TCF4: variants seen among roughly 807,000 people sequenced by gnomAD.
TCF4 encodes the protein transcription factor 4, also known as SL3-3 enhancer factor 2.
A neutral mutation model predicts 82.1 loss-of-function variants in TCF4; 3 were observed. The observed-to-expected ratio is 0.04, with a 90% confidence interval of 0.02 to 0.09. TCF4 has a LOEUF of 0.09. TCF4 is among the 10% of genes least tolerant of loss of function. The pLI, the probability that TCF4 is intolerant of heterozygous loss-of-function variation, is 1.00. For missense variants in TCF4, 518 were observed against 852.7 expected (o/e 0.61, Z 4.89); for synonymous variants, 276 against 309.6 (o/e 0.89, Z 1.14).
chr18:55,274,046 C>CT (rs1231685662), intron 10 of TCF4, among the ~76,000 whole-genome samples: 1 of 152,048 alleles, frequency 6.6e-6, no homozygotes, highest in Non-Finnish European at 1.5e-5. Context: ...TTCCAACATG[C>CT]GGTATAGTGC....
At chr18:55,418,465 T>C (rs776867191) in intron 5 of TCF4, among the ~76,000 whole-genome samples, 1 of 152,206 alleles carries the variant, frequency 6.6e-6, no homozygotes, top group Non-Finnish European at 1.5e-5. Context: ...ATGTGGGGTA[T>C]GAATTGGTCA....
intron 8 of TCF4, among the ~76,000 whole-genome samples, chr18:55,312,649 T>C (rs1195381575): frequency 1.3e-5 from 2 of 152,170 alleles, no homozygotes. Context: ...AAAGTGACAC[T>C]GTAAAGTTGG....
chr18:55,574,996 T>G (rs1294795861), intron 3 of TCF4, among the ~76,000 whole-genome samples: 4 of 152,212 alleles, frequency 2.6e-5, no homozygotes, highest in Admixed American at 2.6e-4. Context: ...CAATCAAGCC[T>G]TAAACAATTA....
intron 2 of TCF4, among the ~76,000 whole-genome samples, chr18:55,620,968 ATAT>A (rs1207309709): frequency 3.9e-5 from 6 of 152,098 alleles, no homozygotes; most frequent in East Asian, 1.9e-4. Flanking sequence ...TGAAAGAAAA[ATAT>A]TATTGTTGAT....
At chr18:55,501,796 A>G (rs764745482) in intron 3 of TCF4, among the ~76,000 whole-genome samples, 4 of 152,064 alleles carry the variant, frequency 2.6e-5, no homozygotes, top group Non-Finnish European at 4.4e-5. Flanking sequence ...CCGCATCCCC[A>G]TATCATGAAA....
At chr18:55,554,197 G>C (rs1321591363) in intron 3 of TCF4, among the ~76,000 whole-genome samples, 1 of 152,036 alleles carries the variant, frequency 6.6e-6, no homozygotes, top group African/African-American at 2.4e-5. Context: ...ACTCTTATGG[G>C]TAATGCCATT....
At chr18:55,307,248 G>A (rs891850567) in intron 8 of TCF4, among the ~76,000 whole-genome samples, 7 of 152,202 alleles carry the variant, frequency 4.6e-5, no homozygotes, top group African/African-American at 1.4e-4. Flanking sequence ...GTTTATGACT[G>A]GTAAAGTCCT....
intron 8 of TCF4, among the ~76,000 whole-genome samples, chr18:55,286,061 T>C (rs368955003): frequency 3.4e-4 from 52 of 152,332 alleles, no homozygotes; most frequent in East Asian, 2.3e-3. Flanking sequence ...GGTTTCTGGA[T>C]ATGCAGGAAA....
intron 3 of TCF4, among the ~76,000 whole-genome samples, chr18:55,504,742 A>G (rs2096735406): frequency 6.6e-6 from 1 of 152,190 alleles, no homozygotes; most frequent in Admixed American, 6.5e-5. Context: ...GTGTGCCCAC[A>G]CTGCCTCTAA....
At chr18:55,530,413 C>A (rs1322467293) in intron 3 of TCF4, among the ~76,000 whole-genome samples, 1 of 151,704 alleles carries the variant, frequency 6.6e-6, no homozygotes, top group African/African-American at 2.4e-5. Context: ...AGTGTCTGGA[C>A]TTGTGGATAA....
At chr18:55,315,657 C>A (rs2073948438) in intron 8 of TCF4, among the ~76,000 whole-genome samples, 1 of 152,066 alleles carries the variant, frequency 6.6e-6, no homozygotes, top group African/African-American at 2.4e-5. Flanking sequence ...AATAAAATGC[C>A]ATGGTATCTA....
chr18:55,615,423 T>G (rs1478414969), intron 2 of TCF4, among the ~76,000 whole-genome samples: 1 of 152,144 alleles, frequency 6.6e-6, no homozygotes, highest in Non-Finnish European at 1.5e-5. Flanking sequence ...AACTTGCTTT[T>G]TTTTTTAAGA....
chr18:55,590,194 A>G (rs539139632), upstream of TCF4, among the ~76,000 whole-genome samples: 3 of 152,328 alleles, frequency 2.0e-5, no homozygotes, highest in East Asian at 5.8e-4. Flanking sequence ...CTCGGGAAAG[A>G]CTGGGCCGGC....
chr18:55,402,230 G>C (rs1048957099), intron 6 of TCF4: 22 of 985,262 alleles, frequency 2.2e-5, no homozygotes, highest in Non-Finnish European at 2.5e-5. Flanking sequence ...GCTGGGCCAA[G>C]GGAGTAAACT....
At chr18:55,498,046 G>A (rs1052788734) in intron 3 of TCF4, among the ~76,000 whole-genome samples, 2 of 152,202 alleles carry the variant, frequency 1.3e-5, no homozygotes, top group African/African-American at 4.8e-5. Flanking sequence ...CATGGGCACT[G>A]CCAGCTTGTC....
intron 8 of TCF4, among the ~76,000 whole-genome samples, chr18:55,341,368 T>C (rs2079919421): frequency 6.6e-6 from 1 of 152,194 alleles, no homozygotes; most frequent in African/African-American, 2.4e-5. Flanking sequence ...AATGATTCAA[T>C]AGATGCAAAT....
At chr18:55,443,227 C>T (rs2095471817) in intron 5 of TCF4, among the ~76,000 whole-genome samples, 1 of 152,128 alleles carries the variant, frequency 6.6e-6, no homozygotes, top group Non-Finnish European at 1.5e-5. Context: ...AGGTTACTGT[C>T]CAACAATGGA....
At chr18:55,601,119 G>A (rs888919961) in intron 2 of TCF4, among the ~76,000 whole-genome samples, 2 of 152,078 alleles carry the variant, frequency 1.3e-5, no homozygotes, top group South Asian at 2.1e-4. Flanking sequence ...TTCTAACCAC[G>A]TTACACACTC....
intron 14 of TCF4, 124 bp downstream of exon 14, chr18:55,257,191 T>C (rs2057056748): frequency 1.0e-6 from 1 of 995,054 alleles, no homozygotes; most frequent in Admixed American, 1.8e-5. Context: ...CGCAAACCTG[T>C]GTGCTTAATG....
Sources: allele counts gnomAD v4.1 joint callset (sites outside exome capture counted in the v4.1 genomes callset), GRCh38; gene constraint gnomAD v4.1.1; transcripts MANE v1.5; gene names NCBI Gene and HGNC (gene_info 2026-07-23, HGNC 2026-07-21).